Variants in CACNB2 observed in about 807,000 individuals in gnomAD.
The protein encoded by CACNB2 is voltage-dependent L-type calcium channel subunit beta-2.
In CACNB2, 42 loss-of-function variants were observed where a neutral mutation model predicts 73.3. The ratio of observed to expected loss-of-function variants is 0.57; its 90% CI spans 0.45 to 0.74. CACNB2 has a LOEUF of 0.74. Among genes scored for constraint, CACNB2 ranks in the 30% least tolerant of loss-of-function variants. CACNB2 has a pLI of 0.00. For missense variants in CACNB2, 940 were observed against 853.0 expected (o/e 1.10, Z -1.27); for synonymous variants, 348 against 310.3 (o/e 1.12, Z -1.28).
chr10:18,350,243 C>G (rs187596038), intron 2 of CACNB2, among the ~76,000 whole-genome samples: 1 of 152,140 alleles, frequency 6.6e-6, no homozygotes, highest in Admixed American at 6.5e-5. Flanking sequence ...AAAACTCAGT[C>G]TCAAAAAAAT....
chr10:18,269,643 T>C (rs1006979544), intron 2 of CACNB2, among the ~76,000 whole-genome samples: 2 of 152,108 alleles, frequency 1.3e-5, no homozygotes, highest in African/African-American at 4.8e-5. Flanking sequence ...TTCTTCCAAG[T>C]TTTAGACCCA....
chr10:18,357,391 T>C (rs1008826725), intron 2 of CACNB2, among the ~76,000 whole-genome samples: 4 of 152,184 alleles, frequency 2.6e-5, no homozygotes, highest in African/African-American at 9.7e-5. Context: ...TAATTTATTC[T>C]CTGGTAATGT....
rs140001521 is a variant in CACNB2 at position 18,529,783 on chromosome 10, C to T, written c.1054+2086C>T. ...CAGGAAAAAATGTGATCATGTGTTTCGCTTATAGCAATTTCTTTTTTATGT... is the reference window on the plus strand; with the variant it reads ...CAGGAAAAAATGTGATCATGTGTTTTGCTTATAGCAATTTCTTTTTTATGT... On this transcript the variant is annotated intron_variant, in intron 10 of 13. Coordinates refer to ENST00000324631, the MANE Select transcript of CACNB2 (RefSeq NM_201596.3). Among the ~76,000 whole-genome samples, 17 of 152,288 alleles carry T rather than the reference C, an allele frequency of 1.1e-4. No homozygotes were observed. The East Asian group carries it at 1.2e-3, about 10-fold the overall frequency.
intron 3 of CACNB2, among the ~76,000 whole-genome samples, chr10:18,410,847 G>T (rs1205366680): frequency 6.6e-6 from 1 of 152,286 alleles, no homozygotes. Context: ...AGGCATGGTT[G>T]TGGGCACCTG....
At chr10:18,228,720 T>C (rs2036111676) in intron 2 of CACNB2, among the ~76,000 whole-genome samples, 1 of 138,464 alleles carries the variant, frequency 7.2e-6, no homozygotes, top group Non-Finnish European at 1.6e-5. Context: ...GGCTCGTTTT[T>C]ACCCTCTTCC....
chr10:18,186,843 C>T (rs139879030), intron 2 of CACNB2, among the ~76,000 whole-genome samples: 9 of 152,348 alleles, frequency 5.9e-5, no homozygotes, highest in African/African-American at 2.2e-4. Flanking sequence ...ATATCACTTA[C>T]TATCATGTGT....
chr10:18,474,457 C>T (rs71497248), intron 3 of CACNB2, among the ~76,000 whole-genome samples: 20,718 of 152,114 alleles, frequency 0.14, 1,526 homozygotes, highest in Admixed American at 0.18. Flanking sequence ...TGCTCAGGCT[C>T]CTAAACTAAG....
chr10:18,251,939 G>A (rs943221197), intron 2 of CACNB2, among the ~76,000 whole-genome samples: 5 of 152,276 alleles, frequency 3.3e-5, no homozygotes, highest in Admixed American at 2.6e-4. Flanking sequence ...TGAGACTTGA[G>A]TGGGGACACA....
At chr10:18,222,150 A>G (rs2035819049) in intron 2 of CACNB2, among the ~76,000 whole-genome samples, 1 of 152,182 alleles carries the variant, frequency 6.6e-6, no homozygotes, top group African/African-American at 2.4e-5. Flanking sequence ...TCACATCACA[A>G]TCCGATCCAA....
chr10:18,169,351 C>T (rs922037174), intron 2 of CACNB2, among the ~76,000 whole-genome samples: 6 of 152,122 alleles, frequency 3.9e-5, no homozygotes, highest in African/African-American at 1.4e-4. Context: ...ATATATGCTA[C>T]TCTCATTCTT....
chr10:18,355,362 T>C (rs866298794), intron 2 of CACNB2, among the ~76,000 whole-genome samples: 1 of 152,202 alleles, frequency 6.6e-6, no homozygotes, highest in South Asian at 2.1e-4. Context: ...AAAGTTGTTA[T>C]AATGAAAAGA....
rs1219975411 is a variant in CACNB2, at chr10:18,543,295, T to C, written c.*3571T>C. On this transcript the variant is annotated 3_prime_UTR_variant, in exon 14 of 14. Coordinates refer to ENST00000324631, the MANE Select transcript of CACNB2 (RefSeq NM_201596.3). ...TTAGTAATCTTCCTATTATGTCTGATTAAAAAAAAAGATACCTCCACGTAG... is the reference window on the plus strand; with the variant it reads ...TTAGTAATCTTCCTATTATGTCTGACTAAAAAAAAAGATACCTCCACGTAG... The C allele has an allele frequency of 1.3e-5, 2 of 152,054 alleles. No individual in the cohort carries two copies. The highest frequency in any genetic ancestry group is 6.5e-5 in the Admixed American group (1 of 15,268). The allele number at this position is 152,054 out of a possible 1,614,324, so 9.4% of individuals were successfully genotyped here. A position where few individuals can be genotyped will look rare whatever the true frequency, so the allele number is the denominator to read the frequency against.
chr10:18,207,634 G>A (rs2035150803), intron 2 of CACNB2, among the ~76,000 whole-genome samples: 1 of 152,204 alleles, frequency 6.6e-6, no homozygotes, highest in Admixed American at 6.5e-5. Flanking sequence ...CTGCAGTACT[G>A]CAAAGCTTAG....
chr10:18,415,332 G>A (rs2044883214), intron 3 of CACNB2, among the ~76,000 whole-genome samples: 1 of 152,054 alleles, frequency 6.6e-6, no homozygotes, highest in African/African-American at 2.4e-5. Flanking sequence ...TAGGTATGGT[G>A]GTACATGCCT....
At chr10:18,278,269 C>G (rs2038383854) in intron 2 of CACNB2, among the ~76,000 whole-genome samples, 1 of 152,050 alleles carries the variant, frequency 6.6e-6, no homozygotes. Flanking sequence ...AGCTTGAGTC[C>G]AGGAGTTTGA....
At chr10:18,286,517 CAAAAAAAAAAAAAAAAA>C (rs770589594) in intron 2 of CACNB2, among the ~76,000 whole-genome samples, 6 of 57,326 alleles carry the variant, frequency 1.0e-4, no homozygotes, top group Non-Finnish European at 1.4e-4. Flanking sequence ...GATTCTGTCT[CAAAAAAAAAAAAAAAAA>C]AAAAAAAAAA....
intron 2 of CACNB2, among the ~76,000 whole-genome samples, chr10:18,158,611 A>G (rs1471751702): frequency 6.6e-6 from 1 of 152,210 alleles, no homozygotes; most frequent in African/African-American, 2.4e-5. Flanking sequence ...AGTACTTTGC[A>G]CAAATTTATA....
At position 18,498,291 on chromosome 10, in the gene CACNB2, G is replaced by A. The variant is rs993522538; in HGVS notation, c.334-64G>A. On this transcript the variant is annotated intron_variant, in intron 3 of 13. Transcript: ENST00000324631. The stretch of plus-strand genomic sequence containing the variant: ...TTATTCAGTATGTCTTTGTGTTTGA[G>A]GGAAAAAGGAGGGACAGTGTTGTTT... 3.8e-6 allele frequency: 6 copies of A among 1,594,954 alleles called. 1 individual carries two copies. In the Admixed American group the frequency reaches 8.5e-5, roughly 23 times the overall value.
chr10:18,212,357 T>G (rs1270542805), intron 2 of CACNB2, among the ~76,000 whole-genome samples: 1 of 74,070 alleles, frequency 1.4e-5, no homozygotes, highest in Non-Finnish European at 3.6e-5. Flanking sequence ...TTTTGCCATA[T>G]ATTGTGTTTT....
Sources: gnomAD v4.1 joint callset for allele counts (sites outside exome capture counted in the v4.1 genomes callset) on GRCh38, gnomAD v4.1.1 for gene constraint, MANE v1.5 for transcripts, NCBI Gene and HGNC (gene_info 2026-07-23, HGNC 2026-07-21) for gene names.